Variants in ZDHHC11 observed in about 807,000 individuals in gnomAD.
The protein encoded by ZDHHC11 is palmitoyltransferase ZDHHC11.
A neutral mutation model predicts 51.3 loss-of-function variants in ZDHHC11; 44 were observed. That is an observed-to-expected ratio of 0.86 (90% CI 0.67 to 1.10). The LOEUF (loss-of-function observed/expected upper bound fraction) is 1.10, where lower values mean the gene tolerates loss of function less well. Ranked by LOEUF, ZDHHC11 falls within the 50% of genes least tolerant of loss-of-function variation. The pLI, the probability that ZDHHC11 is intolerant of heterozygous loss-of-function variation, is 0.00. For missense variants in ZDHHC11, 400 were observed against 537.7 expected, an observed-to-expected ratio of 0.74 and a Z score of 2.53; for synonymous variants, 163 against 222.0, an observed-to-expected ratio of 0.73 and a Z score of 2.36.
intron 12 of ZDHHC11, among the ~76,000 whole-genome samples, chr5:799,248 G>C (rs1173996886): frequency 6.6e-6 from 1 of 151,294 alleles, no homozygotes; most frequent in African/African-American, 2.4e-5. Context: ...AAAGGGCCTG[G>C]AGCCTCCCCC....
upstream of ZDHHC11, among the ~76,000 whole-genome samples, chr5:854,005 C>T (rs1747731477): frequency 6.7e-6 from 1 of 150,312 alleles, no homozygotes; most frequent in Non-Finnish European, 1.5e-5. Context: ...GCACAGATCC[C>T]ATGGAGGACA....
intron 10 of ZDHHC11, 70 bp downstream of exon 10, chr5:819,455 G>A (rs1741274018): frequency 3.3e-6 from 5 of 1,518,944 alleles, no homozygotes; most frequent in Middle Eastern, 1.7e-4. Context: ...ACCTCAGCTT[G>A]GGGGACCTCA....
At chr5:840,872 G>A (rs1372660411) in intron 4 of ZDHHC11, 3 of 1,443,090 alleles carry the variant, frequency 2.1e-6, no homozygotes, top group Non-Finnish European at 2.7e-6. Flanking sequence ...TCTGGGAGGT[G>A]AGGCTCCAAC....
chr5:859,905 C>T (rs1008160712), upstream of ZDHHC11, among the ~76,000 whole-genome samples: 2 of 152,186 alleles, frequency 1.3e-5, no homozygotes, highest in Admixed American at 6.5e-5. Flanking sequence ...CAGCTGCTGA[C>T]GCTGACTTTG....
intron 11 of ZDHHC11, among the ~76,000 whole-genome samples, chr5:810,730 G>A (rs1385358834): frequency 2.6e-5 from 4 of 151,282 alleles, no homozygotes; most frequent in Admixed American, 6.6e-5. Context: ...GTAACTTATC[G>A]CCTGTTGCAT....
At position 850,704 on chromosome 5, in the gene ZDHHC11, G is replaced by A. The variant is rs1579816710; in HGVS notation, c.-102C>T. The stretch of plus-strand genomic sequence containing the variant: ...AGGGGACTGGGAATGCAGCCGCCAG[G>A]ACCAGCACTGACAGCCAATGGCCCA... On this transcript the variant is annotated 5_prime_UTR_variant, in exon 1 of 13. Transcript: ENST00000283441. The A allele has an allele frequency of 3.6e-6, 5 of 1,385,552 alleles. No homozygotes were observed. In the East Asian group the frequency reaches 1.2e-4, roughly 32 times the overall value. The allele number at this position is 1,385,552 out of a possible 1,614,324, so 85.8% of individuals were successfully genotyped here. A position where few individuals can be genotyped will look rare whatever the true frequency, so the allele number is the denominator to read the frequency against.
chr5:847,182 G>A (rs1746374050), intron 3 of ZDHHC11, among the ~76,000 whole-genome samples: 1 of 151,768 alleles, frequency 6.6e-6, no homozygotes, highest in African/African-American at 2.4e-5. Context: ...CCCTTGTGCT[G>A]GATGAGCCTC....
intron 5 of ZDHHC11, among the ~76,000 whole-genome samples, chr5:837,720 C>T (rs1744098463): frequency 6.6e-6 from 1 of 151,866 alleles, no homozygotes. Context: ...GGGAACAGTG[C>T]TGACCCACGC....
rs955471604 is a variant in ZDHHC11 at position 850,466 on chromosome 5, C to G, written c.137G>C (p.Trp46Ser). ...LPLHYFQVVT[W>S]AVFVGLSSAT... ...CGAGGAAAGGCCCACGAAGACAGCC[C>G]AGGTCACCACCTGGAAGTAGTGCAG... Residue 46 changes from tryptophan to serine, a missense_variant, in exon 1 of 13, where the codon TGG becomes TCG. Trp to Ser is a radical substitution (Grantham distance 177). This residue lies in a region of ZDHHC11 where 119 missense variants were observed against 99.6 expected (regional missense o/e 1.20). Transcript: ENST00000283441. 44 of 1,613,546 alleles carry G rather than the reference C, an allele frequency of 2.7e-5. No homozygotes were observed. The highest frequency in any genetic ancestry group is 3.6e-5 in the Non-Finnish European group (42 of 1,180,032).
Position 809,014 on chromosome 5 carries a change from C to CACACACACACACACACACACACAT in ZDHHC11, c.1181+5746_1181+5747insATGTGTGTGTGTGTGTGTGTGTGT, listed in dbSNP as rs1554050773. On this transcript the variant is annotated intron_variant, in intron 11 of 12. Transcript: ENST00000283441. Reference sequence around the variant, plus strand: ...ACACACACACACACACACACACACACGCACACTATTTATTCCCCACCTGTC... The same window carrying CACACACACACACACACACACACAT: ...ACACACACACACACACACACACACACACACACACACACACACACACACATGCACACTATTTATTCCCCACCTGTC... Among the ~76,000 whole-genome samples the CACACACACACACACACACACACAT allele has an allele frequency of 4.8e-4, 67 of 139,096 alleles. 1 individual carries two copies. Among genetic ancestry groups the CACACACACACACACACACACACAT allele is most frequent in the East Asian group, 4.6e-3 (22 of 4,830 alleles). 91.3% of individuals were successfully genotyped at this position (139,096 alleles called of 152,430 possible).
In ZDHHC11 at chr5:815,653, G is replaced by A. The variant is rs143700788; in HGVS notation, c.1147-858C>T. Among the ~76,000 whole-genome samples, 54 of 151,460 alleles carry A rather than the reference G, an allele frequency of 3.6e-4. No individual in the cohort carries two copies. In the East Asian group the frequency reaches 9.5e-3, roughly 27 times the overall value. On this transcript the variant is annotated intron_variant, in intron 10 of 12. Transcript: ENST00000283441. ...GTGAGAGTGTTGGGTCATATCATAAGTACCTACTCAGCATCAGAAGCTTTG... is the reference window on the plus strand; with the variant it reads ...GTGAGAGTGTTGGGTCATATCATAAATACCTACTCAGCATCAGAAGCTTTG...
intron 3 of ZDHHC11, among the ~76,000 whole-genome samples, chr5:847,002 G>A (rs1445936210): frequency 2.6e-5 from 4 of 151,450 alleles, no homozygotes; most frequent in African/African-American, 9.7e-5. Flanking sequence ...CCGTGCTCAG[G>A]GAAACATCTC....
intron 1 of ZDHHC11, 78 bp from the exon 2 acceptor site, chr5:848,738 G>C: frequency 6.4e-7 from 1 of 1,566,304 alleles, no homozygotes; most frequent in South Asian, 1.2e-5. Flanking sequence ...CAAGGGCCCA[G>C]AAGAGGCGTG....
intron 8 of ZDHHC11, among the ~76,000 whole-genome samples, chr5:822,178 T>C (rs1315884789): frequency 6.6e-6 from 1 of 151,204 alleles, no homozygotes; most frequent in Non-Finnish European, 1.5e-5. Flanking sequence ...TTGAAAGAGG[T>C]AATGGATGTT....
intron 6 of ZDHHC11, among the ~76,000 whole-genome samples, chr5:835,874 G>A (rs570701275): frequency 1.2e-4 from 18 of 151,678 alleles, no homozygotes; most frequent in African/African-American, 3.6e-4. Context: ...AATATAACCC[G>A]GATTTTTCAT....
chr5:833,085 T>G (rs1161521659), intron 7 of ZDHHC11, among the ~76,000 whole-genome samples: 37 of 152,034 alleles, frequency 2.4e-4, no homozygotes, highest in Non-Finnish European at 4.6e-4. Context: ...TAAAACATTA[T>G]ATATTTTCTT....
At chr5:843,920 GGCATC>G (rs1745593567) in intron 3 of ZDHHC11, among the ~76,000 whole-genome samples, 196 bp from the exon 4 acceptor site, 1 of 126,572 alleles carries the variant, frequency 7.9e-6, no homozygotes, top group African/African-American at 3.4e-5. Flanking sequence ...GGACACGCAG[GGCATC>G]TGAGGCAGGG....
intron 12 of ZDHHC11, among the ~76,000 whole-genome samples, chr5:798,753 C>T (rs1489892882): frequency 2.0e-5 from 3 of 146,976 alleles, no homozygotes; most frequent in Admixed American, 6.9e-5. Flanking sequence ...GACGTTATCA[C>T]AGCGAACATT....
intron 9 of ZDHHC11, chr5:821,508 A>G (rs1741557980): frequency 8.7e-6 from 2 of 228,876 alleles, no homozygotes; most frequent in African/African-American, 4.4e-5. Context: ...GGAAGCATCA[A>G]GTGAAAGCGT....
Sources: allele counts gnomAD v4.1 joint callset (sites outside exome capture counted in the v4.1 genomes callset), GRCh38; gene constraint gnomAD v4.1.1; regional missense constraint gnomAD v4.1.1; transcripts MANE v1.5; gene names NCBI Gene and HGNC (gene_info 2026-07-23, HGNC 2026-07-21).